WDR74: variants seen among roughly 807,000 people sequenced by gnomAD.
WDR74 encodes WD repeat-containing protein 74.
WDR74 carries 31 observed loss-of-function variants against 45.6 expected under a neutral mutation model. That is an observed-to-expected ratio of 0.68 (90% confidence interval 0.51 to 0.92). The LOEUF is 0.92. Among genes scored for constraint, WDR74 ranks in the 40% least tolerant of loss-of-function variants. The pLI, the probability that WDR74 is intolerant of heterozygous loss-of-function variation, is 0.00. For missense variants in WDR74, 455 were observed against 497.2 expected (o/e 0.92, Z 0.81); for synonymous variants, 191 against 192.4 (o/e 0.99, Z 0.06).
At chr11:62,840,983 G>A (rs559774116), upstream of WDR74, among the ~76,000 whole-genome samples, 1 of 151,936 alleles carries the variant, frequency 6.6e-6, no homozygotes, top group Non-Finnish European at 1.5e-5. Flanking sequence ...AGGAGATCGA[G>A]ACCATCCTGG....
At chr11:62,839,060 G>T in intron 3 of WDR74, 54 bp downstream of exon 3, 1 of 1,606,256 alleles carries the variant, frequency 6.2e-7, no homozygotes, top group Non-Finnish European at 8.5e-7. Context: ...GTATCCTCAG[G>T]GAGCATCAAC....
intron 3 of WDR74, among the ~76,000 whole-genome samples, chr11:62,838,164 T>C (rs920051019): frequency 3.3e-5 from 5 of 152,114 alleles, no homozygotes; most frequent in African/African-American, 1.2e-4. Flanking sequence ...TTTTTGTTGT[T>C]TTTTTTGAGA....
chr11:62,833,715 G>A (rs199896330), intron 9 of WDR74, 41 bp from the exon 10 acceptor site: 557 of 1,583,032 alleles, frequency 3.5e-4, no homozygotes, highest in Non-Finnish European at 3.0e-4. Context: ...GGCATGCTGA[G>A]ACAGAAACAT....
chr11:62,839,685 T>TG, upstream of WDR74: 2 of 1,280,528 alleles, frequency 1.6e-6, no homozygotes, highest in Non-Finnish European at 2.1e-6. Context: ...GCCGAAACAG[T>TG]AAAGCTTCCA....
rs1565223514 is a variant in WDR74, at chr11:62,839,335, C to T, written c.158G>A (p.Gly53Asp). The T allele has an allele frequency of 6.2e-7, 1 of 1,611,052 alleles. No homozygotes were observed. Among genetic ancestry groups the T allele is most frequent in the Non-Finnish European group, 8.5e-7 (1 of 1,179,610 alleles). Residue 53 changes from glycine to aspartate, a missense_variant, in exon 2 of 11, where the codon GGC (glycine) becomes GAC (aspartate). Physicochemically the swap from Gly to Asp is moderately conservative, Grantham distance 94. Coordinates refer to ENST00000278856, the MANE Select transcript of WDR74 (RefSeq NM_001369450.1). Reference sequence around the variant, plus strand: ...GGGGCCACTCACCTGGGTCTCGCCGCCGGTGCCCCAACACAGGGCGCTCAC... The same window carrying T: ...GGGGCCACTCACCTGGGTCTCGCCGTCGGTGCCCCAACACAGGGCGCTCAC... The part of the protein sequence containing the change: ...EAVSALCWGT[G>D]GETQMLVGCA...
chr11:62,837,478 CAGAGTGAGACTCCGTATATAAAA>C (rs2084975401), intron 3 of WDR74, among the ~76,000 whole-genome samples: 1 of 142,594 alleles, frequency 7.0e-6, no homozygotes, highest in Admixed American at 7.3e-5. Context: ...GCCTGGGCAA[CAGAGTGAGACTCCGTATATAAAA>C]AAAAAACAAA....
intron 3 of WDR74, among the ~76,000 whole-genome samples, chr11:62,838,772 A>C (rs905111872): frequency 3.8e-4 from 57 of 151,938 alleles, no homozygotes; most frequent in East Asian, 7.8e-4. Context: ...AAAAAAAAAA[A>C]AACAAAAAAC....
intron 7 of WDR74, 40 bp downstream of exon 7, chr11:62,834,387 C>T: frequency 6.2e-7 from 1 of 1,608,338 alleles, no homozygotes. Flanking sequence ...GAGCCCTTCT[C>T]AAGCCCCACC....
At chr11:62,840,581 A>T (rs2085031635), upstream of WDR74, among the ~76,000 whole-genome samples, 1 of 152,190 alleles carries the variant, frequency 6.6e-6, no homozygotes, top group African/African-American at 2.4e-5. Context: ...GCGCATGCGT[A>T]AATAGGAGAG....
intron 3 of WDR74, among the ~76,000 whole-genome samples, chr11:62,838,515 T>C (rs1444264033): frequency 6.6e-6 from 1 of 151,560 alleles, no homozygotes; most frequent in African/African-American, 2.4e-5. Flanking sequence ...TCCCAGCACT[T>C]TGGGAGTCCG....
At position 62,839,588 on chromosome 11, in the gene WDR74, G is replaced by A. The variant is rs777336558; in HGVS notation, c.-18C>T. 1.3e-6 allele frequency: 2 copies of A among 1,599,328 alleles called. No individual in the cohort carries two copies. The highest frequency in any genetic ancestry group is 1.1e-5 in the South Asian group (1 of 90,100). ...GCCGCCATGACAAAGCCTGGAGGCA[G>A]ACAGTTCACACTTCCGGCGCAGCGT... On this transcript the variant is annotated 5_prime_UTR_variant, in exon 1 of 11. Coordinates refer to ENST00000278856, the MANE Select transcript of WDR74 (RefSeq NM_001369450.1).
upstream of WDR74, chr11:62,841,503 A>G (rs775897065): frequency 6.6e-6 from 1 of 152,146 alleles, no homozygotes; most frequent in East Asian, 1.9e-4. Flanking sequence ...CGCGTCATTC[A>G]ACACACTAGC....
At chr11:62,841,573 A>C (rs374429491), upstream of WDR74, 1 of 152,170 alleles carries the variant, frequency 6.6e-6, no homozygotes, top group Non-Finnish European at 1.5e-5. Flanking sequence ...TTGTACCCTA[A>C]CTGATCGAAA....
At chr11:62,839,889 A>C (rs2085022636), upstream of WDR74, 1 of 330,136 alleles carries the variant, frequency 3.0e-6, no homozygotes, top group South Asian at 7.9e-5. Context: ...GAAACAACAA[A>C]CGATTTAAGA....
chr11:62,833,110 C>A lies in WDR74; in HGVS notation c.1000G>T (p.Glu334Ter). ...NWEDEPQEPQ[E>*]PNKVPLEDTE... Reference sequence around the variant, plus strand: ...TCTTCTAGGGGCACCTTGTTGGGTTCTTGAGGCTCTTGGGGCTCATCCTGG... The same window carrying A: ...TCTTCTAGGGGCACCTTGTTGGGTTATTGAGGCTCTTGGGGCTCATCCTGG... Residue 334 changes from glutamate to a stop codon, truncating the protein, a stop_gained, in exon 11 of 11, where the codon GAA (glutamate) becomes TAA (stop). Coordinates refer to ENST00000278856, the MANE Select transcript of WDR74 (RefSeq NM_001369450.1). LOFTEE classifies it low-confidence loss of function (END_TRUNC). 1 of 1,612,766 alleles carries A rather than the reference C, an allele frequency of 6.2e-7. No individual in the cohort carries two copies.
chr11:62,833,628 T>C lies in WDR74; in HGVS notation c.968A>G (p.Asp323Gly). The C allele has an allele frequency of 3.2e-6, 5 of 1,552,216 alleles. No homozygotes were observed. The highest frequency in any genetic ancestry group is 4.4e-6 in the Non-Finnish European group (5 of 1,147,254). ...GGCCCAACTGCTCACCTCCCAGTTG[T>C]CCCTGCCTGACAAGAGGAGGCAGTT... ...QLNCLLLSGR[D>G]NWEDEPQEPQ... Residue 323 changes from aspartate (D) to glycine (G), a missense_variant, in exon 10 of 11, where the codon GAC (aspartate) becomes GGC (glycine). Physicochemically the swap from Asp to Gly is moderately conservative, Grantham distance 94. Transcript: ENST00000278856.
chr11:62,841,495 C>A (rs939572036), upstream of WDR74: 14 of 152,176 alleles, frequency 9.2e-5, no homozygotes, highest in East Asian at 3.8e-4. Context: ...CTCAAACACG[C>A]GTCATTCAAC....
In WDR74 at chr11:62,835,315, C is replaced by T. The variant is rs368111795; in HGVS notation, c.618+116G>A. 495 of 899,140 alleles carry T rather than the reference C, an allele frequency of 5.5e-4. 1 individual carries two copies. The African/African-American group carries it at 6.2e-3, about 11-fold the overall frequency. The allele number at this position is 899,140 out of a possible 1,614,324, so 55.7% of individuals were successfully genotyped here. On this transcript the variant is annotated intron_variant, in intron 6 of 10. Coordinates refer to ENST00000278856, the MANE Select transcript of WDR74 (RefSeq NM_001369450.1). ...GACAGGGTTGGAACAGACGGGGAAG[C>T]GCTTGCTCCTCTGAACTCAGAATGG...
At position 62,836,048 on chromosome 11, in the gene WDR74, G is replaced by A. The variant is rs765893738; in HGVS notation, c.294-12C>T. On this transcript the variant is annotated splice_polypyrimidine_tract_variant and intron_variant, in intron 3 of 10. Transcript: ENST00000278856. ...ATGTGATGAGGGTGCTGCAGAGAAA[G>A]GATAGAGTTGGGATTTTTTAAGTGC... 6.4e-7 allele frequency: 1 copy of A among 1,572,652 alleles called. No homozygotes were observed. The highest frequency in any genetic ancestry group is 8.6e-7 in the Non-Finnish European group (1 of 1,158,374).
Sources: allele counts gnomAD v4.1 joint callset (sites outside exome capture counted in the v4.1 genomes callset), GRCh38; gene constraint gnomAD v4.1.1; transcripts MANE v1.5; gene names NCBI Gene and HGNC (gene_info 2026-07-23, HGNC 2026-07-21).